The following DOCK8 variants were observed in gnomAD, a reference collection of about 807,000 sequenced individuals.
DOCK8 encodes the protein dedicator of cytokinesis protein 8.
DOCK8 carries 141 observed loss-of-function variants against 245.6 expected under a neutral mutation model. The observed-to-expected ratio is 0.57, with a 90% CI of 0.50 to 0.66. The LOEUF is 0.66. Among genes scored for constraint, DOCK8 ranks in the 30% least tolerant of loss-of-function variants. The pLI is 0.00. For missense variants in DOCK8, 2,965 were observed against 2,603.4 expected (o/e 1.14, Z -3.02); for synonymous variants, 1,168 against 970.2 (o/e 1.20, Z -3.79).
At chr9:318,004 A>G (rs549975144) in intron 7 of DOCK8, among the ~76,000 whole-genome samples, 1 of 151,978 alleles carries the variant, frequency 6.6e-6, no homozygotes, top group Non-Finnish European at 1.5e-5. Flanking sequence ...ATAGACATGT[A>G]TTAATTTTGT....
chr9:384,574 T>C (rs962691415), intron 22 of DOCK8, among the ~76,000 whole-genome samples: 3 of 152,108 alleles, frequency 2.0e-5, no homozygotes, highest in Non-Finnish European at 2.9e-5. Context: ...TCTGCAGAGG[T>C]CCTGGTCCCT....
intron 25 of DOCK8, among the ~76,000 whole-genome samples, chr9:398,410 C>G (rs2054564934): frequency 6.6e-6 from 1 of 152,086 alleles, no homozygotes; most frequent in African/African-American, 2.4e-5. Flanking sequence ...TAGTTTCAAA[C>G]CATATTTTTA....
chr9:324,076 A>T (rs551289421), intron 7 of DOCK8, among the ~76,000 whole-genome samples: 1 of 152,240 alleles, frequency 6.6e-6, no homozygotes, highest in Non-Finnish European at 1.5e-5. Flanking sequence ...AGATAAATAA[A>T]TGGAATTCAG....
intron 15 of DOCK8, chr9:368,568 C>G (rs1298101024): frequency 2.7e-6 from 1 of 364,872 alleles, no homozygotes. Flanking sequence ...CTGATGAATA[C>G]AAAGTACCGC....
At chr9:378,754 C>G (rs551307897) in intron 20 of DOCK8, among the ~76,000 whole-genome samples, 2 of 152,202 alleles carry the variant, frequency 1.3e-5, no homozygotes, top group African/African-American at 4.8e-5. Flanking sequence ...TTGGCATAGG[C>G]AGAATAAGTG....
rs762342159 is a variant in DOCK8, at chr9:371,577, T to C, written c.2007+11T>C. On this transcript the variant is annotated intron_variant, in intron 17 of 47. Coordinates refer to ENST00000432829, the MANE Select transcript of DOCK8 (RefSeq NM_203447.4). ...CTCCTGGGATATTCAGTGAGTTGTTTCCAGCCTGCTGACTCACACTGCAGT... is the reference window on the plus strand; with the variant it reads ...CTCCTGGGATATTCAGTGAGTTGTTCCCAGCCTGCTGACTCACACTGCAGT... 2 of 1,614,176 alleles carry C rather than the reference T, an allele frequency of 1.2e-6. No homozygotes were observed. The highest frequency in any genetic ancestry group is 8.5e-7 in the Non-Finnish European group (1 of 1,180,012).
At chr9:247,253 C>G (rs1425500641) in intron 1 of DOCK8, among the ~76,000 whole-genome samples, 2 of 152,016 alleles carry the variant, frequency 1.3e-5, no homozygotes, top group Admixed American at 1.3e-4. Flanking sequence ...ATGTGCTATT[C>G]TTTTTTTAAT....
intron 1 of DOCK8, among the ~76,000 whole-genome samples, chr9:270,093 T>C (rs905959752): frequency 4.6e-5 from 7 of 152,232 alleles, no homozygotes; most frequent in African/African-American, 1.7e-4. Context: ...TGGCAACTCA[T>C]TGTGATTTGA....
At chr9:311,822 C>G (rs1281136223) in intron 5 of DOCK8, 132 bp from the exon 6 acceptor site, 9 of 1,116,084 alleles carry the variant, frequency 8.1e-6, no homozygotes, top group Non-Finnish European at 1.2e-5. Context: ...TCCGCAGTTT[C>G]TTCAGAAGAC....
At chr9:390,650 G>C (rs930633579) in intron 24 of DOCK8, 84 bp downstream of exon 24, 1 of 1,340,214 alleles carries the variant, frequency 7.5e-7, no homozygotes, top group African/African-American at 1.4e-5. Context: ...TGTTCACTGA[G>C]TTGCCCCTGC....
intron 1 of DOCK8, among the ~76,000 whole-genome samples, chr9:250,393 A>T (rs1187903203): frequency 2.0e-5 from 3 of 152,226 alleles, no homozygotes; most frequent in Non-Finnish European, 4.4e-5. Context: ...GGAATGAAAC[A>T]ATTAAAGAAA....
rs1554699022 is a variant in DOCK8 at position 415,692 on chromosome 9, G to GCACACACGCACGCACACA, written c.3700+748_3700+749insGCACGCACACACACACAC. Reference sequence around the variant, plus strand: ...TGTGTGTGCACGTGTGTGCGCGCGTGCACACACACACACACACAATTCCTA... The same window carrying GCACACACGCACGCACACA: ...TGTGTGTGCACGTGTGTGCGCGCGTGCACACACGCACGCACACACACACACACACACACACAATTCCTA... On this transcript the variant is annotated intron_variant, in intron 29 of 47. Coordinates refer to ENST00000432829, the MANE Select transcript of DOCK8 (RefSeq NM_203447.4). Among the ~76,000 whole-genome samples the GCACACACGCACGCACACA allele has an allele frequency of 4.2e-3, 642 of 151,084 alleles. 3 individuals carry two copies. The highest frequency in any genetic ancestry group is 0.014 in the African/African-American group (570 of 41,196).
At chr9:308,659 G>A (rs954201898) in intron 5 of DOCK8, among the ~76,000 whole-genome samples, 1 of 151,858 alleles carries the variant, frequency 6.6e-6, no homozygotes. Context: ...CAATTAATAC[G>A]TGTTCTTTCT....
At chr9:259,330 C>T (rs959260860) in intron 1 of DOCK8, among the ~76,000 whole-genome samples, 4 of 152,074 alleles carry the variant, frequency 2.6e-5, no homozygotes, top group African/African-American at 7.2e-5. Flanking sequence ...TATTTTCCCA[C>T]CTCTCTAACA....
At chr9:413,524 A>G (rs1018270207) in intron 28 of DOCK8, among the ~76,000 whole-genome samples, 1 of 152,230 alleles carries the variant, frequency 6.6e-6, no homozygotes, top group Non-Finnish European at 1.5e-5. Context: ...GGGGACTTGT[A>G]TCTGGAATAT....
chr9:251,199 ACTTCACAGGG>A (rs1424666058), intron 1 of DOCK8, among the ~76,000 whole-genome samples: 1 of 152,166 alleles, frequency 6.6e-6, no homozygotes, highest in Admixed American at 6.5e-5. Flanking sequence ...CAGATTTTGG[ACTTCACAGGG>A]CTTCACTTTT....
intron 4 of DOCK8, among the ~76,000 whole-genome samples, chr9:301,963 C>T (rs2049566474): frequency 6.6e-6 from 1 of 151,548 alleles, no homozygotes; most frequent in African/African-American, 2.4e-5. Flanking sequence ...TCTTAATTAG[C>T]AACATCATTT....
chr9:267,511 G>T (rs1351191187), intron 1 of DOCK8, among the ~76,000 whole-genome samples: 2 of 152,136 alleles, frequency 1.3e-5, no homozygotes, highest in African/African-American at 4.8e-5. Flanking sequence ...CAGCCATATG[G>T]ATTTTTTTAA....
chr9:365,067 G>A (rs1213642111), intron 14 of DOCK8, among the ~76,000 whole-genome samples: 1 of 152,234 alleles, frequency 6.6e-6, no homozygotes, highest in African/African-American at 2.4e-5. Flanking sequence ...ATGGGAGAAT[G>A]ATGAAAGATA....
Sources: allele counts gnomAD v4.1 joint callset (sites outside exome capture counted in the v4.1 genomes callset), GRCh38; gene constraint gnomAD v4.1.1; transcripts MANE v1.5; gene names NCBI Gene and HGNC (gene_info 2026-07-23, HGNC 2026-07-21).